Variants in FAAP100 observed in about 807,000 individuals in gnomAD.
The protein encoded by FAAP100 is Fanconi anemia core complex-associated protein 100.
Under a neutral mutation model 65.8 loss-of-function variants are expected in FAAP100, and 46 were observed. That is an observed-to-expected ratio of 0.70 (90% CI 0.55 to 0.89). The LOEUF is 0.89. Among genes scored for constraint, FAAP100 ranks in the 40% least tolerant of loss-of-function variants. The pLI, the probability that FAAP100 is intolerant of heterozygous loss-of-function variation, is 0.00. For missense variants in FAAP100, 1,165 were observed against 1,196.7 expected, an observed-to-expected ratio of 0.97 and a Z score of 0.39; for synonymous variants, 663 against 555.1, an observed-to-expected ratio of 1.19 and a Z score of -2.73.
chr17:81,540,531 G>A lies in FAAP100; in HGVS notation c.*288C>T, dbSNP rs1349645133. ...GGAAGGCTGCCCAGCAGTGAGGAAG[G>A]CGAGTGCAGGGGCTGCGGCCGCGGT... On this transcript the variant is annotated 3_prime_UTR_variant, in exon 9 of 9. Transcript: ENST00000327787. 4.7e-6 allele frequency: 2 copies of A among 424,960 alleles called. No homozygotes were observed. Among genetic ancestry groups the A allele is most frequent in the Non-Finnish European group, 8.3e-6 (2 of 241,276 alleles). 26.3% of individuals were successfully genotyped at this position (424,960 alleles called of 1,614,324 possible). A position where few individuals can be genotyped will look rare whatever the true frequency, so the allele number is the denominator to read the frequency against.
chr17:81,547,668 GAA>G lies in FAAP100; in HGVS notation c.1412_1413del (p.Phe471SerfsTer6). Reference protein sequence around the residue: ...GIGNISERVSFLKKAVDQRNK... With the variant: ...GIGNISERVSXLKKAVDQRNK... The stretch of plus-strand genomic sequence containing the variant: ...TTCCGCTGGTCAACCGCCTTCTTTA[GAA>G]AAGACACTCTGCGAAGGACAGACAT... On this transcript the variant is annotated frameshift_variant, in exon 5 of 9. Coordinates refer to ENST00000327787, the MANE Select transcript of FAAP100 (RefSeq NM_025161.6). LOFTEE classifies it high-confidence loss of function. 1.9e-6 allele frequency: 3 copies of G among 1,610,390 alleles called. No individual in the cohort carries two copies. Among genetic ancestry groups the G allele is most frequent in the Non-Finnish European group, 2.5e-6 (3 of 1,178,072 alleles).
chr17:81,541,469 C>G, intron 7 of FAAP100, 74 bp from the exon 8 acceptor site: 1 of 1,334,952 alleles, frequency 7.5e-7, no homozygotes, highest in Non-Finnish European at 1.1e-6. Flanking sequence ...AGCAGGGTGA[C>G]CCTCTCCCTC....
chr17:81,545,637 A>T lies in FAAP100; in HGVS notation c.2310+109T>A, dbSNP rs114656336. The T allele has an allele frequency of 3.4e-3, 4,765 of 1,388,282 alleles. 140 individuals are homozygous for T. The African/African-American group carries it at 0.062, about 18-fold the overall frequency. 86.0% of individuals were successfully genotyped at this position (1,388,282 alleles called of 1,614,324 possible). A position where few individuals can be genotyped will look rare whatever the true frequency, so the allele number is the denominator to read the frequency against. ...AGAGTCCTCCGGGAAGCTTGGGAAA[A>T]GGCTGCCAGGCCCCCACCCAGGGTG... On this transcript the variant is annotated intron_variant, in intron 6 of 8. Transcript: ENST00000327787.
At chr17:81,550,198 G>A in intron 3 of FAAP100, 50 bp downstream of exon 3, 1 of 1,499,502 alleles carries the variant, frequency 6.7e-7, no homozygotes, top group East Asian at 2.3e-5. Context: ...CAGCCAAAAA[G>A]GGTGCTCCAC....
chr17:81,550,226 C>G, intron 3 of FAAP100, 22 bp downstream of exon 3: 1 of 1,556,716 alleles, frequency 6.4e-7, no homozygotes, highest in Non-Finnish European at 8.7e-7. Flanking sequence ...TCCCATCTTT[C>G]ATTTTAGACA....
chr17:81,543,865 G>A (rs554284205), intron 7 of FAAP100, 139 bp downstream of exon 7: 169 of 755,064 alleles, frequency 2.2e-4, no homozygotes, highest in Middle Eastern at 1.1e-3. Context: ...CGCACTCAGC[G>A]GCAGAGCAGA....
chr17:81,546,813 C>T, intron 5 of FAAP100, 96 bp downstream of exon 5: 2 of 1,235,052 alleles, frequency 1.6e-6, no homozygotes, highest in Non-Finnish European at 2.1e-6. Context: ...ATGATTGCAC[C>T]ACTGCACTCC....
At chr17:81,548,243 GA>G (rs2033380511) in intron 4 of FAAP100, 1 of 540,772 alleles carries the variant, frequency 1.8e-6, no homozygotes, top group Non-Finnish European at 3.3e-6. Flanking sequence ...TGAACGTCCC[GA>G]AGCCAGTGCT....
chr17:81,549,227 C>T lies in FAAP100; in HGVS notation c.1382G>A (p.Gly461Glu). The part of the protein sequence containing the change: ...AGQKIKELLS[G>E]IGNISERVSF... ...TCACCTCTCAGAGATGTTGCCAATTCCAGACAGCAGCTCCTTTATTTTCTG... is the reference window on the plus strand; with the variant it reads ...TCACCTCTCAGAGATGTTGCCAATTTCAGACAGCAGCTCCTTTATTTTCTG... Residue 461 changes from glycine to glutamate, a missense_variant, in exon 4 of 9, where the codon GGA becomes GAA. Physicochemically the swap from Gly to Glu is moderately conservative, Grantham distance 98. Coordinates refer to ENST00000327787, the MANE Select transcript of FAAP100 (RefSeq NM_025161.6). 6.2e-6 allele frequency: 10 copies of T among 1,612,740 alleles called. No individual in the cohort carries two copies. The highest frequency in any genetic ancestry group is 4.5e-5 in the East Asian group (2 of 44,874).
intron 6 of FAAP100, among the ~76,000 whole-genome samples, chr17:81,545,306 C>G (rs2033258760): frequency 6.6e-6 from 1 of 152,278 alleles, no homozygotes; most frequent in African/African-American, 2.4e-5. Flanking sequence ...GGAGGCACCA[C>G]AGTCCTGAGT....
At chr17:81,541,240 G>T in intron 8 of FAAP100, 69 bp downstream of exon 8, 1 of 1,479,282 alleles carries the variant, frequency 6.8e-7, no homozygotes, top group East Asian at 2.3e-5. Context: ...AGTGACTAGA[G>T]GGGGGCCTGG....
intron 7 of FAAP100, 42 bp from the exon 8 acceptor site, chr17:81,541,437 C>T (rs767218794): frequency 1.5e-5 from 23 of 1,511,124 alleles, no homozygotes; most frequent in Non-Finnish European, 1.9e-5. Flanking sequence ...TGTGCCCCAG[C>T]ACCTGCCCCC....
rs757988865 is a variant in FAAP100, at chr17:81,551,049, G to A, written c.445C>T (p.Arg149Ter). The change falls in exon 3 of 9, where the codon CGA becomes TGA. Residue 149 changes from arginine to a stop codon, truncating the protein, a stop_gained. Coordinates refer to ENST00000327787, the MANE Select transcript of FAAP100 (RefSeq NM_025161.6). LOFTEE classifies it high-confidence loss of function. Reference sequence around the variant, plus strand: ...TGCTCAAACAGCTGCATCTTCCATCGGGCAGGGCCCTGCACCAGGGTGACC... The same window carrying A: ...TGCTCAAACAGCTGCATCTTCCATCAGGCAGGGCCCTGCACCAGGGTGACC... ...VLVTLVQGPARWKMQLFEQPC... is the reference protein window; with the variant it reads ...VLVTLVQGPA 3 of 1,604,112 alleles carry A rather than the reference G, an allele frequency of 1.9e-6. No individual in the cohort carries two copies. The highest frequency in any genetic ancestry group is 1.7e-6 in the Non-Finnish European group (2 of 1,175,900).
intron 8 of FAAP100, 70 bp from the exon 9 acceptor site, chr17:81,541,020 G>T: frequency 8.9e-6 from 13 of 1,468,502 alleles, no homozygotes; most frequent in African/African-American, 1.4e-5. Flanking sequence ...ACCTCTGGGG[G>T]ACCCACCACT....
intron 7 of FAAP100, among the ~76,000 whole-genome samples, chr17:81,541,778 C>T (rs1418265896): frequency 6.6e-6 from 1 of 152,114 alleles, no homozygotes. Flanking sequence ...GGAGCTGCCT[C>T]GGCGTCTTGT....
In FAAP100 at chr17:81,552,302, T is replaced by A; in HGVS notation, c.29A>T (p.Tyr10Phe). 7.0e-7 allele frequency: 1 copy of A among 1,426,762 alleles called. No homozygotes were observed. Among genetic ancestry groups the A allele is most frequent in the Non-Finnish European group, 9.1e-7 (1 of 1,098,972 alleles). The allele number at this position is 1,426,762 out of a possible 1,614,324, so 88.4% of individuals were successfully genotyped here. The stretch of plus-strand genomic sequence containing the variant: ...GAGAGGGCAGCAGAAGCCCGCCAGG[T>A]AGCGGACCCGCGGCGCGGCGCCGGC... MAGAAPRVR[Y>F]LAGFCCPLGG... Residue 10 changes from tyrosine to phenylalanine, a missense_variant, in exon 1 of 9, where the codon TAC (tyrosine) becomes TTC (phenylalanine). Coordinates refer to ENST00000327787, the MANE Select transcript of FAAP100 (RefSeq NM_025161.6).
chr17:81,544,630 G>A (rs773194491), intron 6 of FAAP100, among the ~76,000 whole-genome samples: 1 of 152,240 alleles, frequency 6.6e-6, no homozygotes, highest in Non-Finnish European at 1.5e-5. Context: ...GTTGGACTGA[G>A]CTGAGCTGGA....
intron 7 of FAAP100, among the ~76,000 whole-genome samples, chr17:81,542,166 C>CAAAAAA (rs1157407171): frequency 2.5e-4 from 16 of 63,722 alleles, no homozygotes; most frequent in Non-Finnish European, 3.0e-4. Flanking sequence ...GACTCCGTCT[C>CAAAAAA]AAAAAAAAAA....
chr17:81,543,641 C>T (rs1334422826), intron 7 of FAAP100, among the ~76,000 whole-genome samples: 3 of 152,160 alleles, frequency 2.0e-5, no homozygotes, highest in Admixed American at 6.5e-5. Flanking sequence ...GCCCAGGCCA[C>T]GGCCTCTCCA....
Sources: gnomAD v4.1 joint callset for allele counts (sites outside exome capture counted in the v4.1 genomes callset) on GRCh38, gnomAD v4.1.1 for gene constraint, MANE v1.5 for transcripts, NCBI Gene and HGNC (gene_info 2026-07-23, HGNC 2026-07-21) for gene names.